Variants in SLC7A5 observed in about 807,000 individuals in gnomAD.
The protein encoded by SLC7A5 is solute carrier family 7 member 5, also known as large neutral amino acids transporter small subunit 1.
In SLC7A5, 23 loss-of-function variants were observed where a neutral mutation model predicts 50.2. That is an observed-to-expected ratio of 0.46 (90% CI 0.33 to 0.65). The LOEUF (loss-of-function observed/expected upper bound fraction) is 0.65, where lower values mean the gene tolerates loss of function less well. Among genes scored for constraint, SLC7A5 ranks in the 30% least tolerant of loss-of-function variants. The pLI, the probability that SLC7A5 is intolerant of heterozygous loss-of-function variation, is 0.02. For missense variants in SLC7A5, 578 were observed against 684.4 expected (o/e 0.84, Z 1.73); for synonymous variants, 393 against 330.6 (o/e 1.19, Z -2.05).
chr16:87,852,139 C>T lies in SLC7A5; in HGVS notation c.539-290G>A, dbSNP rs1023963620. Reference sequence around the variant, plus strand: ...CACCACACCAGGCCATGGAGTCCCACCTGTAGTCAGGACTTCAAGTGGGGT... The same window carrying T: ...CACCACACCAGGCCATGGAGTCCCATCTGTAGTCAGGACTTCAAGTGGGGT... On this transcript the variant is annotated intron_variant, in intron 1 of 9. Transcript: ENST00000261622. This position sits in a 1 kb window ranked among gnomAD's most constrained non-coding sequence, Gnocchi z 4.5. Among the ~76,000 whole-genome samples, 1 of 152,188 alleles carries T rather than the reference C, an allele frequency of 6.6e-6. No individual in the cohort carries two copies. The highest frequency in any genetic ancestry group is 2.4e-5 in the African/African-American group (1 of 41,446).
At position 87,833,657 on chromosome 16, in the gene SLC7A5, C is replaced by T. The variant is rs1025981345; in HGVS notation, c.1469-632G>A. Among the ~76,000 whole-genome samples the T allele has an allele frequency of 1.3e-5, 2 of 152,122 alleles. No homozygotes were observed. The highest frequency in any genetic ancestry group is 4.8e-5 in the African/African-American group (2 of 41,430). On this transcript the variant is annotated intron_variant, in intron 9 of 9. Transcript: ENST00000261622. The surrounding 1 kb of genome is among the most constrained non-coding windows in gnomAD (Gnocchi z 6.0). ...GGGGTAGGGGTGGGGGGTCTCCCTG[C>T]CTGTGTTGCTGCCATCCCGGGAATT...
rs2055250051 is a variant in SLC7A5, at chr16:87,852,663, TG to T, written c.539-815del. ...CTGTGTGTGTGTGTGTGTGTGTGTG[TG>T]TGTGTGTGTGTGTGTGTGTGTGTTG... On this transcript the variant is annotated intron_variant, in intron 1 of 9. Transcript: ENST00000261622. The surrounding 1 kb of genome is among the most constrained non-coding windows in gnomAD (Gnocchi z 4.5). Among the ~76,000 whole-genome samples the T allele has an allele frequency of 6.7e-6, 1 of 150,264 alleles. No individual in the cohort carries two copies. The highest frequency in any genetic ancestry group is 1.5e-5 in the Non-Finnish European group (1 of 67,424).
At position 87,830,487 on chromosome 16, in the gene SLC7A5, T is replaced by TC. The variant is rs2054922738; in HGVS notation, c.*2482dup. The TC allele has an allele frequency of 6.6e-6, 1 of 152,204 alleles. No individual in the cohort carries two copies. Among genetic ancestry groups the TC allele is most frequent in the South Asian group, 2.1e-4 (1 of 4,824 alleles). 9.4% of individuals were successfully genotyped at this position (152,204 alleles called of 1,614,324 possible). A position where few individuals can be genotyped will look rare whatever the true frequency, so the allele number is the denominator to read the frequency against. ...GGAAAAATCAAGTCTTCTGAGACAGTCCCCTGCGGTGGCCCTGGTCCCTGT... is the reference window on the plus strand; with the variant it reads ...GGAAAAATCAAGTCTTCTGAGACAGTCCCCCTGCGGTGGCCCTGGTCCCTGT... On this transcript the variant is annotated 3_prime_UTR_variant, in exon 10 of 10. Coordinates refer to ENST00000261622, the MANE Select transcript of SLC7A5 (RefSeq NM_003486.7).
intron 4 of SLC7A5, 84 bp from the exon 5 acceptor site, chr16:87,839,909 C>T (rs4281714): frequency 5.1e-6 from 8 of 1,564,818 alleles, no homozygotes; most frequent in East Asian, 4.6e-5. Flanking sequence ...GTGGGCTCCT[C>T]GCAAGCAGTA....
chr16:87,845,331 G>T (rs1032416924), intron 2 of SLC7A5, among the ~76,000 whole-genome samples: 1 of 152,210 alleles, frequency 6.6e-6, no homozygotes, highest in Non-Finnish European at 1.5e-5. Flanking sequence ...CAGCACCCTG[G>T]AGCTAGCTGC....
At chr16:87,842,957 G>A (rs1306211918) in intron 2 of SLC7A5, among the ~76,000 whole-genome samples, 1 of 152,158 alleles carries the variant, frequency 6.6e-6, no homozygotes. Context: ...GCCCTACTGT[G>A]TCTCGCCCAC....
rs747725972 is a variant in SLC7A5 at position 87,836,626 on chromosome 16, C to T, written c.1162G>A (p.Ala388Thr). 9.9e-6 allele frequency: 16 copies of T among 1,612,770 alleles called. No homozygotes were observed. The highest frequency in any genetic ancestry group is 3.3e-5 in the South Asian group (3 of 91,076). Residue 388 changes from alanine (A) to threonine (T), a missense_variant, in exon 8 of 10, where the codon GCC (alanine) becomes ACC (threonine). Transcript: ENST00000261622. The stretch of plus-strand genomic sequence containing the variant: ...ACGGAGAAGATGTCCTTGGAGAAGG[C>T]GTAGAGCAGCGTCATCACACACTGG... Reference protein sequence around the residue: ...VFTCVMTLLYAFSKDIFSVIN... With the variant: ...VFTCVMTLLYTFSKDIFSVIN...
At chr16:87,840,758 C>G (rs772261415) in intron 3 of SLC7A5, among the ~76,000 whole-genome samples, 6 of 152,206 alleles carry the variant, frequency 3.9e-5, no homozygotes, top group Non-Finnish European at 8.8e-5. Flanking sequence ...GGCTGGGGAC[C>G]TGGAGGAAAG....
chr16:87,836,402 T>G (rs2143714045), intron 8 of SLC7A5, 96 bp downstream of exon 8: 2 of 1,434,240 alleles, frequency 1.4e-6, no homozygotes, highest in Middle Eastern at 4.3e-4. Flanking sequence ...GTCCAGAGGC[T>G]GAGCTGGGAT....
In SLC7A5 at chr16:87,862,422, G is replaced by C. The variant is rs1187586205; in HGVS notation, c.538+6463C>G. 6.6e-6 allele frequency among the ~76,000 whole-genome samples: 1 copy of C among 152,236 alleles called. No individual in the cohort carries two copies. Among genetic ancestry groups the C allele is most frequent in the Non-Finnish European group, 1.5e-5 (1 of 68,042 alleles). ...CCTTCACCCTTTAGGGAGGGGCTCAGAGACAGTTGTGGCGATTCCTACTTC... is the reference window on the plus strand; with the variant it reads ...CCTTCACCCTTTAGGGAGGGGCTCACAGACAGTTGTGGCGATTCCTACTTC... On this transcript the variant is annotated intron_variant, in intron 1 of 9. Transcript: ENST00000261622. The surrounding 1 kb of genome is among the most constrained non-coding windows in gnomAD (Gnocchi z 5.3).
At position 87,834,514 on chromosome 16, in the gene SLC7A5, C is replaced by T. The variant is rs758128067; in HGVS notation, c.1368G>A (p.Val456=). 15 of 1,595,090 alleles carry T rather than the reference C, an allele frequency of 9.4e-6. No individual in the cohort carries two copies. The highest frequency in any genetic ancestry group is 1.2e-5 in the Non-Finnish European group (14 of 1,172,228). ...TGATGGTGAAGCCGATGCCACACTC[C>T]ACGGGTGTCTTCCAGAAGGAGACGG... is the stretch of plus-strand genomic sequence containing the variant. ...LIAVSFWKTP[V]ECGIGFTIIL... The change falls in exon 9 of 10, where the codon GTG becomes GTA. Residue 456 remains valine, a synonymous_variant. Coordinates refer to ENST00000261622, the MANE Select transcript of SLC7A5 (RefSeq NM_003486.7).
Position 87,851,922 on chromosome 16 carries a change from C to T in SLC7A5, c.539-73G>A, listed in dbSNP as rs571072268. On this transcript the variant is annotated intron_variant, in intron 1 of 9. Coordinates refer to ENST00000261622, the MANE Select transcript of SLC7A5 (RefSeq NM_003486.7). ...AGCTCAGGGGTAGGCTGGGAGGTGACGACCCCACCCCCACCCCAGGGCCAG... is the reference window on the plus strand; with the variant it reads ...AGCTCAGGGGTAGGCTGGGAGGTGATGACCCCACCCCCACCCCAGGGCCAG... 69 of 1,584,722 alleles carry T rather than the reference C, an allele frequency of 4.4e-5. 2 individuals are homozygous for T. Among genetic ancestry groups the T allele is most frequent in the East Asian group, 3.4e-4 (15 of 44,574 alleles).
rs115190721 is a variant in SLC7A5 at position 87,845,067 on chromosome 16, G to A, written c.665-3912C>T. Among the ~76,000 whole-genome samples, 465 of 152,278 alleles carry A rather than the reference G, an allele frequency of 3.1e-3. 2 individuals are homozygous for A. Among genetic ancestry groups the A allele is most frequent in the African/African-American group, 0.011 (450 of 41,560 alleles). On this transcript the variant is annotated intron_variant, in intron 2 of 9. Coordinates refer to ENST00000261622, the MANE Select transcript of SLC7A5 (RefSeq NM_003486.7). Reference sequence around the variant, plus strand: ...CCACGGGCAGCTGGAAGGGGAAGGTGGCACCTTGGGTCTGGACCTCTGGCT... The same window carrying A: ...CCACGGGCAGCTGGAAGGGGAAGGTAGCACCTTGGGTCTGGACCTCTGGCT...
At chr16:87,834,738 T>A in intron 8 of SLC7A5, 147 bp from the exon 9 acceptor site, 1 of 813,748 alleles carries the variant, frequency 1.2e-6, no homozygotes, top group Non-Finnish European at 2.1e-6. Context: ...TCCATCTGCC[T>A]CACACACCGG....
At chr16:87,857,168 G>A (rs1172527417) in intron 1 of SLC7A5, among the ~76,000 whole-genome samples, 1 of 152,188 alleles carries the variant, frequency 6.6e-6, no homozygotes, top group African/African-American at 2.4e-5. Context: ...AAAGTGGTCC[G>A]GAAACCCCAA....
At position 87,860,552 on chromosome 16, in the gene SLC7A5, G is replaced by A. The variant is rs2055384739; in HGVS notation, c.538+8333C>T. On this transcript the variant is annotated intron_variant, in intron 1 of 9. Coordinates refer to ENST00000261622, the MANE Select transcript of SLC7A5 (RefSeq NM_003486.7). The surrounding 1 kb of genome is among the most constrained non-coding windows in gnomAD (Gnocchi z 4.8). ...CCTGTAACTTCTGTCCTTGTAGGAG[G>A]TATGAACTCCAGCTGTGGCCCACCC... is the stretch of plus-strand genomic sequence containing the variant. Among the ~76,000 whole-genome samples, 1 of 152,026 alleles carries A rather than the reference G, an allele frequency of 6.6e-6. No homozygotes were observed. The highest frequency in any genetic ancestry group is 2.4e-5 in the African/African-American group (1 of 41,318).
Position 87,852,839 on chromosome 16 carries a change from C to G in SLC7A5, c.539-990G>C, listed in dbSNP as rs1416827674. 1.3e-5 allele frequency among the ~76,000 whole-genome samples: 2 copies of G among 152,082 alleles called. No individual in the cohort carries two copies. The highest frequency in any genetic ancestry group is 2.9e-5 in the Non-Finnish European group (2 of 68,002). ...GGTGGGGAAACAGCCACCCCCACAA[C>G]TTAAAATGAAGTAAAATCATATTAA... On this transcript the variant is annotated intron_variant, in intron 1 of 9. Coordinates refer to ENST00000261622, the MANE Select transcript of SLC7A5 (RefSeq NM_003486.7). The surrounding 1 kb of genome is among the most constrained non-coding windows in gnomAD (Gnocchi z 4.5).
intron 1 of SLC7A5, among the ~76,000 whole-genome samples, chr16:87,868,115 CAAAA>C (rs11372656): frequency 7.5e-5 from 6 of 80,362 alleles, no homozygotes; most frequent in Admixed American, 4.4e-4. Context: ...GACTCAGTGT[CAAAA>C]AAAAAAAAAA....
Position 87,851,602 on chromosome 16 carries a change from C to T in SLC7A5, c.664+122G>A, listed in dbSNP as rs569280706. The T allele has an allele frequency of 3.0e-3, 3,768 of 1,242,946 alleles. 15 individuals are homozygous for T. The highest frequency in any genetic ancestry group is 9.4e-3 in the South Asian group (639 of 68,308). The allele number at this position is 1,242,946 out of a possible 1,614,324, so 77.0% of individuals were successfully genotyped here. On this transcript the variant is annotated intron_variant, in intron 2 of 9. Transcript: ENST00000261622. ...TGATTTTCCCAGAGGGAAATCTCCA[C>T]GTTGTACAGCACTGCAGAGCTGCGG...
Sources: gnomAD v4.1 joint callset for allele counts (sites outside exome capture counted in the v4.1 genomes callset) on GRCh38, gnomAD v4.1.1 for gene constraint, Gnocchi (gnomAD v3.1) non-coding constraint, MANE v1.5 for transcripts, NCBI Gene and HGNC (gene_info 2026-07-23, HGNC 2026-07-21) for gene names.